MECOM: variants seen among roughly 807,000 people sequenced by gnomAD.
MECOM encodes the protein MDS1 and EVI1 complex locus, also known as histone-lysine N-methyltransferase MECOM.
MECOM carries 13 observed loss-of-function variants against 116.3 expected under a neutral mutation model. The ratio of observed to expected loss-of-function variants is 0.11; its 90% CI spans 0.07 to 0.18. MECOM has a LOEUF of 0.18. Among genes scored for constraint, MECOM ranks in the 10% least tolerant of loss-of-function variants. MECOM has a pLI of 1.00. For synonymous variants in MECOM, 528 were observed against 535.2 expected (o/e 0.99, Z 0.19); for missense variants, 1,299 against 1,509.0 (o/e 0.86, Z 2.31).
intron 2 of MECOM, among the ~76,000 whole-genome samples, chr3:169,189,467 C>T (rs1747226564): frequency 1.3e-5 from 2 of 152,012 alleles, no homozygotes; most frequent in Admixed American, 1.3e-4. Context: ...GGTGATGTAT[C>T]AATGAGCCCT....
intron 2 of MECOM, among the ~76,000 whole-genome samples, chr3:169,174,063 C>A (rs1310996005): frequency 1.3e-5 from 2 of 152,182 alleles, no homozygotes; most frequent in Non-Finnish European, 2.9e-5. Flanking sequence ...ACTTGCCAGG[C>A]TAACTCATGC....
intron 1 of MECOM, among the ~76,000 whole-genome samples, chr3:169,484,510 T>C (rs559935482): frequency 3.9e-5 from 6 of 152,232 alleles, no homozygotes; most frequent in Non-Finnish European, 7.3e-5. Context: ...TCTAATGACT[T>C]AAACATCATA....
At chr3:169,273,215 C>T (rs977411666) in intron 2 of MECOM, among the ~76,000 whole-genome samples, 7 of 152,134 alleles carry the variant, frequency 4.6e-5, no homozygotes, top group Admixed American at 3.9e-4. Flanking sequence ...GGCATCAGAA[C>T]ATTTGTTACA....
At chr3:169,588,900 GTAC>G (rs1766072156) in intron 1 of MECOM, among the ~76,000 whole-genome samples, 1 of 152,024 alleles carries the variant, frequency 6.6e-6, no homozygotes, top group South Asian at 2.1e-4. Flanking sequence ...ATATGAAAAT[GTAC>G]TACATCTCCT....
chr3:169,085,892 T>G (rs1717558766), intron 16 of MECOM, among the ~76,000 whole-genome samples: 2 of 152,242 alleles, frequency 1.3e-5, no homozygotes, highest in South Asian at 4.1e-4. Context: ...AGTGAACTTT[T>G]CACTGTTGAT....
At chr3:169,466,864 G>A (rs1748393888) in intron 1 of MECOM, among the ~76,000 whole-genome samples, 1 of 152,094 alleles carries the variant, frequency 6.6e-6, no homozygotes, top group African/African-American at 2.4e-5. Context: ...GCCTCCAATT[G>A]AATAAACACT....
chr3:169,627,919 T>C (rs1261543272), intron 1 of MECOM, among the ~76,000 whole-genome samples: 1 of 152,206 alleles, frequency 6.6e-6, no homozygotes, highest in Non-Finnish European at 1.5e-5. Context: ...ATTTGAGCAG[T>C]GCTGTGGTCA....
At chr3:169,230,036 G>C (rs1238977199) in intron 2 of MECOM, among the ~76,000 whole-genome samples, 1 of 152,052 alleles carries the variant, frequency 6.6e-6, no homozygotes, top group Non-Finnish European at 1.5e-5. Flanking sequence ...ATACTTCAGG[G>C]GGCTATTTAG....
At chr3:169,625,682 G>A (rs915608277) in intron 1 of MECOM, among the ~76,000 whole-genome samples, 2 of 152,158 alleles carry the variant, frequency 1.3e-5, no homozygotes, top group African/African-American at 4.8e-5. Flanking sequence ...GCTATCAAAT[G>A]TCTTCCAAAA....
intron 2 of MECOM, among the ~76,000 whole-genome samples, chr3:169,334,994 A>G (rs1259872545): frequency 6.6e-6 from 1 of 152,198 alleles, no homozygotes; most frequent in Admixed American, 6.6e-5. Flanking sequence ...TTACAATTCT[A>G]AAAGGGCTCC....
chr3:169,637,397 A>G (rs1772932806), intron 1 of MECOM, among the ~76,000 whole-genome samples: 1 of 152,220 alleles, frequency 6.6e-6, no homozygotes, highest in Non-Finnish European at 1.5e-5. Context: ...TTACACAGAA[A>G]TATCTGGAAT....
chr3:169,435,011 G>T (rs1446676503), intron 1 of MECOM, among the ~76,000 whole-genome samples: 4 of 152,044 alleles, frequency 2.6e-5, no homozygotes, highest in African/African-American at 7.2e-5. Context: ...TTTAACCAAG[G>T]TTAAAACAAA....
chr3:169,228,864 C>T (rs761774532), intron 2 of MECOM, among the ~76,000 whole-genome samples: 20 of 152,176 alleles, frequency 1.3e-4, no homozygotes, highest in Non-Finnish European at 2.6e-4. Context: ...ATGCTTTTAA[C>T]TCAAACACAC....
At chr3:169,204,721 T>C (rs1019989890) in intron 2 of MECOM, among the ~76,000 whole-genome samples, 2 of 152,204 alleles carry the variant, frequency 1.3e-5, no homozygotes, top group African/African-American at 4.8e-5. Context: ...GACATTTTTA[T>C]ACTCTATTCC....
chr3:169,116,908 A>G (rs1201759911), intron 7 of MECOM, among the ~76,000 whole-genome samples, 169 bp from the exon 8 acceptor site: 3 of 152,206 alleles, frequency 2.0e-5, no homozygotes, highest in Non-Finnish European at 4.4e-5. Context: ...ACTAGATTCC[A>G]AAGCAAGGCA....
chr3:169,624,641 A>G (rs941328667), intron 1 of MECOM, among the ~76,000 whole-genome samples: 1 of 151,950 alleles, frequency 6.6e-6, no homozygotes, highest in African/African-American at 2.4e-5. Flanking sequence ...AAACACTCCC[A>G]CTCAACCTAA....
intron 2 of MECOM, chr3:169,146,971 G>T (rs1740121104): frequency 1.0e-6 from 1 of 996,316 alleles, no homozygotes; most frequent in Non-Finnish European, 1.2e-6. Context: ...CACGCGTTTC[G>T]GATTTATTGT....
intron 1 of MECOM, among the ~76,000 whole-genome samples, chr3:169,658,189 G>A (rs1027051613): frequency 6.6e-6 from 1 of 152,200 alleles, no homozygotes; most frequent in Non-Finnish European, 1.5e-5. Flanking sequence ...CAGGAGAAAA[G>A]AAAAGCAGAC....
intron 2 of MECOM, among the ~76,000 whole-genome samples, chr3:169,245,635 A>T (rs1755487650): frequency 6.6e-6 from 1 of 152,224 alleles, no homozygotes. Flanking sequence ...CAAAACTGAG[A>T]GGTCTTAGGA....
Sources: gnomAD v4.1 joint callset for allele counts (sites outside exome capture counted in the v4.1 genomes callset) on GRCh38, gnomAD v4.1.1 for gene constraint, MANE v1.5 for transcripts, NCBI Gene and HGNC (gene_info 2026-07-23, HGNC 2026-07-21) for gene names.